DEPDC1: variants seen among roughly 807,000 people sequenced by gnomAD.
DEPDC1 encodes DEP domain-containing protein 1A.
Under a neutral mutation model 86.8 loss-of-function variants are expected in DEPDC1, and 66 were observed. The observed-to-expected ratio is 0.76, with a 90% CI of 0.62 to 0.93. The LOEUF is 0.93. Ranked by LOEUF, DEPDC1 falls within the 40% of genes least tolerant of loss-of-function variation. The probability of loss-of-function intolerance (pLI) is 0.00; values close to 1 mark genes in which losing one functional copy is unlikely to be tolerated. For synonymous variants in DEPDC1, 255 were observed against 314.9 expected (o/e 0.81, Z 2.02); for missense variants, 792 against 935.7 (o/e 0.85, Z 2.00).
At chr1:68,478,968 G>A (rs1369830525) in intron 10 of DEPDC1, among the ~76,000 whole-genome samples, 176 bp downstream of exon 10, 1 of 152,008 alleles carries the variant, frequency 6.6e-6, no homozygotes, top group Non-Finnish European at 1.5e-5. Flanking sequence ...AATAAGAGAT[G>A]GAGGGATGGA....
intron 3 of DEPDC1, 25 bp downstream of exon 3, chr1:68,489,427 A>C: frequency 7.2e-7 from 1 of 1,385,108 alleles, no homozygotes; most frequent in Non-Finnish European, 9.6e-7. Flanking sequence ...TATTTAAACT[A>C]GTAATTAGTA....
At position 68,477,869 on chromosome 1, in the gene DEPDC1, TGA is replaced by T; in HGVS notation, c.2214_2215del (p.Gln739SerfsTer12). On this transcript the variant is annotated frameshift_variant, in exon 11 of 12. Coordinates refer to ENST00000456315, the MANE Select transcript of DEPDC1 (RefSeq NM_001114120.3). LOFTEE classifies it high-confidence loss of function. ...TTCTAAAAGTTCTGCAATTGCAGCT[TGA>T]GAGGTAGAAACTTTTTGCTCATCAA... 1 of 1,591,762 alleles carries T rather than the reference TGA, an allele frequency of 6.3e-7. No individual in the cohort carries two copies. The highest frequency in any genetic ancestry group is 8.6e-7 in the Non-Finnish European group (1 of 1,168,416).
chr1:68,487,077 T>C, intron 5 of DEPDC1, 93 bp from the exon 6 acceptor site: 1 of 1,085,060 alleles, frequency 9.2e-7, no homozygotes, highest in Non-Finnish European at 1.3e-6. Context: ...TATATATATG[T>C]ATATACACAT....
At chr1:68,495,175 CTTTT>C (rs1295960974) in intron 1 of DEPDC1, among the ~76,000 whole-genome samples, 2 of 151,936 alleles carry the variant, frequency 1.3e-5, no homozygotes, top group African/African-American at 4.8e-5. Context: ...ACACTGCTTT[CTTTT>C]TATTAATTCT....
chr1:68,478,023 A>G, intron 10 of DEPDC1, 51 bp from the exon 11 acceptor site: 1 of 1,301,890 alleles, frequency 7.7e-7, no homozygotes, highest in Non-Finnish European at 1.0e-6. Context: ...ATGTTCTTAT[A>G]TGATAAAGTA....
intron 7 of DEPDC1, chr1:68,483,472 A>G (rs1019209766): frequency 5.3e-6 from 2 of 376,754 alleles, no homozygotes; most frequent in African/African-American, 4.3e-5. Flanking sequence ...ACAGTGACCA[A>G]TGATTTGGTC....
In DEPDC1 at chr1:68,484,777, T is replaced by G. The variant is rs944524983; in HGVS notation, c.770-687A>C. On this transcript the variant is annotated intron_variant, in intron 6 of 11. Coordinates refer to ENST00000456315, the MANE Select transcript of DEPDC1 (RefSeq NM_001114120.3). ...GTGGTTCATAGATTATATCACAGAA[T>G]CATCCAATGTGCCTATTAAAAATAC... Among the ~76,000 whole-genome samples, 3 of 151,872 alleles carry G rather than the reference T, an allele frequency of 2.0e-5. No homozygotes were observed. The East Asian group carries it at 5.8e-4, about 29-fold the overall frequency.
intron 5 of DEPDC1, 140 bp from the exon 6 acceptor site, chr1:68,487,124 C>T (rs1646198288): frequency 4.8e-6 from 3 of 631,518 alleles, no homozygotes; most frequent in Non-Finnish European, 7.2e-6. Flanking sequence ...TGTGTATTAC[C>T]AGGATTAAAA....
At chr1:68,484,179 A>T in intron 6 of DEPDC1, 89 bp from the exon 7 acceptor site, 2 of 1,038,620 alleles carry the variant, frequency 1.9e-6, no homozygotes, top group Non-Finnish European at 2.7e-6. Context: ...TCTGTATTTC[A>T]TGAAGGAGCT....
At chr1:68,484,783 A>C (rs1646182012) in intron 6 of DEPDC1, among the ~76,000 whole-genome samples, 1 of 151,942 alleles carries the variant, frequency 6.6e-6, no homozygotes, top group Non-Finnish European at 1.5e-5. Context: ...AGAATCATCC[A>C]ATGTGCCTAT....
chr1:68,482,640 C>T lies in DEPDC1; in HGVS notation c.1168G>A (p.Val390Met). ...CCTCCCATTATGTCATTAGCACTCACTCTTCTGTTTCTTAAATTAACTAGC... is the reference window on the plus strand; with the variant it reads ...CCTCCCATTATGTCATTAGCACTCATTCTTCTGTTTCTTAAATTAACTAGC... ...MQLVNLRNRRVSANDIMGGSC... is the reference protein window; with the variant it reads ...MQLVNLRNRRMSANDIMGGSC... The change falls in exon 8 of 12, where the codon GTG becomes ATG. Residue 390 changes from valine to methionine, a missense_variant. Val to Met is a conservative substitution (Grantham distance 21, BLOSUM62 1). Transcript: ENST00000456315. The T allele has an allele frequency of 6.2e-7, 1 of 1,612,826 alleles. No individual in the cohort carries two copies. The highest frequency in any genetic ancestry group is 8.5e-7 in the Non-Finnish European group (1 of 1,179,284).
At chr1:68,481,805 A>G (rs1646157710) in intron 8 of DEPDC1, 193 bp from the exon 9 acceptor site, 1 of 628,628 alleles carries the variant, frequency 1.6e-6, no homozygotes, top group Non-Finnish European at 2.5e-6. Flanking sequence ...TCTAAGTATT[A>G]AAATTCTTCA....
intron 9 of DEPDC1, among the ~76,000 whole-genome samples, chr1:68,481,173 T>A (rs1231819920): frequency 6.6e-6 from 1 of 151,996 alleles, no homozygotes; most frequent in East Asian, 1.9e-4. Flanking sequence ...GTGGTCTGAC[T>A]GGTCAATCAC....
In DEPDC1 at chr1:68,476,679, A is replaced by T; in HGVS notation, c.*253T>A. ...AGTAAATAAAATTTTAGCACACATC[A>T]TGATAGCCTTACTGGATAGCTGTGT... On this transcript the variant is annotated 3_prime_UTR_variant, in exon 12 of 12. Transcript: ENST00000456315. 1 of 296,486 alleles carries T rather than the reference A, an allele frequency of 3.4e-6. No homozygotes were observed. 18.4% of individuals were successfully genotyped at this position (296,486 alleles called of 1,614,324 possible). A position where few individuals can be genotyped will look rare whatever the true frequency, so the allele number is the denominator to read the frequency against.
In DEPDC1 at chr1:68,477,774, C is replaced by T; in HGVS notation, c.2298+13G>A. 4 of 1,455,374 alleles carry T rather than the reference C, an allele frequency of 2.7e-6. No homozygotes were observed. The highest frequency in any genetic ancestry group is 3.7e-6 in the Non-Finnish European group (4 of 1,085,304). The allele number at this position is 1,455,374 out of a possible 1,614,324, so 90.2% of individuals were successfully genotyped here. On this transcript the variant is annotated intron_variant, in intron 11 of 11. Transcript: ENST00000456315. ...AAATGTTTACATGATTGAGAACTTGCTCATTCTCTTACCTGTTTTAGTTTT... is the reference window on the plus strand; with the variant it reads ...AAATGTTTACATGATTGAGAACTTGTTCATTCTCTTACCTGTTTTAGTTTT...
chr1:68,483,494 G>A (rs1418049650), intron 7 of DEPDC1: 1 of 331,520 alleles, frequency 3.0e-6, no homozygotes, highest in Non-Finnish European at 5.9e-6. Context: ...GTCATGCCTT[G>A]GTAATTAAAC....
chr1:68,488,350 T>A (rs1171912178), intron 5 of DEPDC1, 24 bp downstream of exon 5: 2 of 1,555,602 alleles, frequency 1.3e-6, no homozygotes, highest in Non-Finnish European at 1.7e-6. Context: ...TTTTTAAAAG[T>A]CCAATTATTT....
At chr1:68,479,703 T>C (rs983782828) in intron 9 of DEPDC1, among the ~76,000 whole-genome samples, 2 of 150,332 alleles carry the variant, frequency 1.3e-5, no homozygotes, top group African/African-American at 4.9e-5. Context: ...CTTGGGAGAG[T>C]GAGGCAGAAG....
chr1:68,480,302 T>G (rs1271191485), intron 9 of DEPDC1, among the ~76,000 whole-genome samples: 1 of 150,836 alleles, frequency 6.6e-6, no homozygotes, highest in East Asian at 1.9e-4. Context: ...CTAAAATACT[T>G]AGAAATCAGA....
Sources: allele counts gnomAD v4.1 joint callset (sites outside exome capture counted in the v4.1 genomes callset), GRCh38; gene constraint gnomAD v4.1.1; transcripts MANE v1.5; gene names NCBI Gene and HGNC (gene_info 2026-07-23, HGNC 2026-07-21).